Variants in CLIP2 observed in about 807,000 individuals in gnomAD.
The protein encoded by CLIP2 is CAP-Gly domain containing linker protein 2, also known as CAP-Gly domain-containing linker protein 2.
Under a neutral mutation model 111.7 loss-of-function variants are expected in CLIP2, and 41 were observed. The observed-to-expected ratio is 0.37, with a 90% CI of 0.29 to 0.48. The LOEUF is 0.48. CLIP2 is among the 20% of genes least tolerant of loss of function. CLIP2 has a pLI of 0.99. For missense variants in CLIP2, 1,160 were observed against 1,422.1 expected (o/e 0.82, Z 2.96); for synonymous variants, 660 against 644.2 (o/e 1.02, Z -0.37).
At position 74,377,954 on chromosome 7, in the gene CLIP2, T is replaced by C. The variant is rs143785508; in HGVS notation, c.2421+1132T>C. ...AATTCTCCTGTATCAGCCTCCCAAG[T>C]AGCTGCAATTACAGGCATGCACCAC... On this transcript the variant is annotated intron_variant, in intron 10 of 16. Transcript: ENST00000223398. Among the ~76,000 whole-genome samples the C allele has an allele frequency of 3.9e-3, 591 of 151,966 alleles. 2 individuals are homozygous for C. The highest frequency in any genetic ancestry group is 0.014 in the African/African-American group (566 of 41,426).
chr7:74,395,255 G>T (rs967940785), intron 13 of CLIP2, among the ~76,000 whole-genome samples: 1 of 151,928 alleles, frequency 6.6e-6, no homozygotes, highest in Admixed American at 6.6e-5. Context: ...TGCCTCCTGG[G>T]TTCAAGCAAT....
At chr7:74,398,459 C>T (rs1317051828) in intron 14 of CLIP2, among the ~76,000 whole-genome samples, 3 of 152,222 alleles carry the variant, frequency 2.0e-5, no homozygotes, top group South Asian at 2.1e-4. Flanking sequence ...ATATGGAGGG[C>T]GTGGGGTCCA....
Position 74,373,463 on chromosome 7 carries a change from A to G in CLIP2, c.1485+427A>G, listed in dbSNP as rs138352209. On this transcript the variant is annotated intron_variant, in intron 9 of 16. Coordinates refer to ENST00000223398, the MANE Select transcript of CLIP2 (RefSeq NM_003388.5). ...CAGTGAGCTGAGATCGTGCCACTGC[A>G]CTCCAGCCTGGGTGACAGAGTGAGA... 6.6e-5 allele frequency among the ~76,000 whole-genome samples: 10 copies of G among 152,206 alleles called. No individual in the cohort carries two copies. The East Asian group carries it at 1.9e-3, about 29-fold the overall frequency.
At chr7:74,389,073 C>T (rs1554315317) in intron 12 of CLIP2, 30 bp from the exon 13 acceptor site, 1 of 1,582,244 alleles carries the variant, frequency 6.3e-7, no homozygotes, top group African/African-American at 1.4e-5. Flanking sequence ...TCCCAATCCT[C>T]TTCCTCCCTT....
intron 3 of CLIP2, among the ~76,000 whole-genome samples, chr7:74,349,759 G>A (rs1446790859): frequency 2.0e-5 from 3 of 150,994 alleles, no homozygotes; most frequent in East Asian, 2.0e-4. Context: ...CATTACAGGC[G>A]TGCACCACCA....
intron 1 of CLIP2, among the ~76,000 whole-genome samples, chr7:74,312,490 G>C (rs981224382): frequency 1.6e-4 from 24 of 152,088 alleles, no homozygotes; most frequent in Non-Finnish European, 5.9e-5. Flanking sequence ...CCACAAGGTG[G>C]GATATTTACT....
At chr7:74,379,389 C>T (rs1333345010) in intron 10 of CLIP2, among the ~76,000 whole-genome samples, 1 of 151,630 alleles carries the variant, frequency 6.6e-6, no homozygotes, top group Admixed American at 6.6e-5. Context: ...AGTCTAAACG[C>T]ATATGTCCCC....
chr7:74,338,536 A>G lies in CLIP2; in HGVS notation c.210A>G (p.Glu70=). Residue 70 remains glutamate (E), a synonymous_variant, in exon 3 of 17, where the codon GAA becomes GAG. Transcript: ENST00000223398. The surrounding 1 kb of genome is among the most constrained non-coding windows in gnomAD (Gnocchi z 4.3). ...APEKPGPKAA[E]VGDDFLGDFV... ...AGAAGCCGGGCCCCAAGGCGGCGGA[A>G]GTGGGGGATGACTTCCTGGGGGACT... 1 of 1,602,396 alleles carries G rather than the reference A, an allele frequency of 6.2e-7. No individual in the cohort carries two copies. Among genetic ancestry groups the G allele is most frequent in the Non-Finnish European group, 8.5e-7 (1 of 1,175,496 alleles).
In CLIP2 at chr7:74,356,493, C is replaced by T; in HGVS notation, c.887C>T (p.Ala296Val). ...IRIGFPSTSP[A>V]KAKKTKRMAM... is the part of the protein sequence containing the mutation. Reference sequence around the variant, plus strand: ...ATCGGCTTCCCATCTACCAGCCCAGCCAAGGCCAAGAAGACCAAGCGTATG... The same window carrying T: ...ATCGGCTTCCCATCTACCAGCCCAGTCAAGGCCAAGAAGACCAAGCGTATG... The change falls in exon 5 of 17, where the codon GCC becomes GTC. Residue 296 changes from alanine to valine, a missense_variant. By Grantham distance (64) the Ala-to-Val change is moderately conservative. Coordinates refer to ENST00000223398, the MANE Select transcript of CLIP2 (RefSeq NM_003388.5). 6.2e-7 allele frequency: 1 copy of T among 1,614,206 alleles called. No individual in the cohort carries two copies. The highest frequency in any genetic ancestry group is 8.5e-7 in the Non-Finnish European group (1 of 1,180,042).
intron 3 of CLIP2, among the ~76,000 whole-genome samples, chr7:74,347,323 C>T (rs1789823494): frequency 6.6e-6 from 1 of 152,170 alleles, no homozygotes; most frequent in African/African-American, 2.4e-5. Flanking sequence ...GGCTGGAGTG[C>T]AGTGGTGCGA....
rs782547947 is a variant in CLIP2 at position 74,373,497 on chromosome 7, C to G, written c.1485+461C>G. ...TGGGTGACAGAGTGAGACTCCGCCT[C>G]AAAAACAAAACAAAAAGAAATGTGC... On this transcript the variant is annotated intron_variant, in intron 9 of 16. Coordinates refer to ENST00000223398, the MANE Select transcript of CLIP2 (RefSeq NM_003388.5). Among the ~76,000 whole-genome samples, 30 of 150,844 alleles carry G rather than the reference C, an allele frequency of 2.0e-4. 1 individual carries two copies. Among genetic ancestry groups the G allele is most frequent in the Middle Eastern group, 6.8e-3 (2 of 292 alleles).
chr7:74,311,197 T>C (rs1185941168), intron 1 of CLIP2, among the ~76,000 whole-genome samples: 1 of 152,102 alleles, frequency 6.6e-6, no homozygotes, highest in Admixed American at 6.6e-5. Context: ...GCCAGAATGG[T>C]CTCGATTTCC....
intron 10 of CLIP2, among the ~76,000 whole-genome samples, chr7:74,377,946 C>T (rs1311367000): frequency 6.6e-6 from 1 of 151,896 alleles, no homozygotes; most frequent in East Asian, 1.9e-4. Context: ...CTGTATCAGC[C>T]TCCCAAGTAG....
chr7:74,293,273 G>A lies in CLIP2; in HGVS notation c.-68+3539G>A, dbSNP rs576380287. 1.1e-4 allele frequency among the ~76,000 whole-genome samples: 16 copies of A among 152,306 alleles called. No individual in the cohort carries two copies. In the East Asian group the frequency reaches 1.7e-3, roughly 17 times the overall value. On this transcript the variant is annotated intron_variant, in intron 1 of 16. Coordinates refer to ENST00000223398, the MANE Select transcript of CLIP2 (RefSeq NM_003388.5). The stretch of plus-strand genomic sequence containing the variant: ...ACAATTGGAGGCGACCTGGCCCCCC[G>A]GGACCCCGGAAGCTGGCAGGCAGCT...
chr7:74,399,107 C>CTGGGCAGTGCTGAAGGACGGAGTT (rs1791540585), intron 14 of CLIP2, among the ~76,000 whole-genome samples: 3 of 149,682 alleles, frequency 2.0e-5, no homozygotes, highest in African/African-American at 7.4e-5. Context: ...GCAGGCAGGA[C>CTGGGCAGTGCTGAAGGACGGAGTT]TGGGCAGTGC....
intron 13 of CLIP2, 30 bp downstream of exon 13, chr7:74,389,289 TC>T (rs782594856): frequency 1.3e-6 from 2 of 1,539,814 alleles, no homozygotes; most frequent in Non-Finnish European, 1.7e-6. Context: ...GGCTGGGTCC[TC>T]CCTGTGGCCC....
At chr7:74,364,992 G>GTT (rs1462154215) in intron 8 of CLIP2, 19 of 307,582 alleles carry the variant, frequency 6.2e-5, no homozygotes, top group Non-Finnish European at 1.2e-4. Context: ...CCTGTTTTTT[G>GTT]TTGTGTGTGT....
intron 14 of CLIP2, among the ~76,000 whole-genome samples, chr7:74,398,681 G>T (rs1482071412): frequency 6.6e-6 from 1 of 152,238 alleles, no homozygotes; most frequent in African/African-American, 2.4e-5. Flanking sequence ...CCGGGATAAA[G>T]AGCATCACTC....
Position 74,363,611 on chromosome 7 carries a change from G to A in CLIP2, c.1320-644G>A, listed in dbSNP as rs188061798. Among the ~76,000 whole-genome samples the A allele has an allele frequency of 1.1e-4, 17 of 152,278 alleles. No homozygotes were observed. In the East Asian group the frequency reaches 2.7e-3, roughly 24 times the overall value. On this transcript the variant is annotated intron_variant, in intron 7 of 16. Transcript: ENST00000223398. Reference sequence around the variant, plus strand: ...ATGAAAACAGTGTTGTCAGCTGGGCGCGGAGGCTCACGCCTGTAATCCCAG... The same window carrying A: ...ATGAAAACAGTGTTGTCAGCTGGGCACGGAGGCTCACGCCTGTAATCCCAG...
Sources: gnomAD v4.1 joint callset for allele counts (sites outside exome capture counted in the v4.1 genomes callset) on GRCh38, gnomAD v4.1.1 for gene constraint, Gnocchi (gnomAD v3.1) non-coding constraint, MANE v1.5 for transcripts, NCBI Gene and HGNC (gene_info 2026-07-23, HGNC 2026-07-21) for gene names.